Variants in PCNT observed in about 807,000 individuals in gnomAD.
The protein encoded by PCNT is kendrin.
Under a neutral mutation model 380.4 loss-of-function variants are expected in PCNT, and 319 were observed. That is an observed-to-expected ratio of 0.84 (90% CI 0.77 to 0.92). The LOEUF (loss-of-function observed/expected upper bound fraction) is 0.92. Among genes scored for constraint, PCNT ranks in the 40% least tolerant of loss-of-function variants. The pLI, the probability that PCNT is intolerant of heterozygous loss-of-function variation, is 0.00. For synonymous variants in PCNT, 1,845 were observed against 1,735.2 expected (o/e 1.06, Z -1.57); for missense variants, 4,400 against 4,255.3 (o/e 1.03, Z -0.95).
At chr21:46,436,480 C>T (rs910200670) in intron 39 of PCNT, among the ~76,000 whole-genome samples, 1 of 78,222 alleles carries the variant, frequency 1.3e-5, no homozygotes, top group Non-Finnish European at 3.3e-5. Context: ...GCCCCCCCCC[C>T]CCCCCCCCGC....
At chr21:46,374,356 C>T (rs555075390) in intron 15 of PCNT, among the ~76,000 whole-genome samples, 16 of 152,316 alleles carry the variant, frequency 1.1e-4, no homozygotes, top group East Asian at 3.9e-4. Context: ...TGCATTTCAT[C>T]ACAAGCCCAG....
At position 46,334,395 on chromosome 21, in the gene PCNT, A is replaced by G. The variant is rs565170910; in HGVS notation, c.268-2A>G. On this transcript the variant is annotated splice_acceptor_variant, in intron 2 of 46. Transcript: ENST00000359568. LOFTEE classifies it high-confidence loss of function. The stretch of plus-strand genomic sequence containing the variant: ...GCTTCTTTCTGGTCCTCCCCTTCTT[A>G]GCCGGAGGACTGTGATGGAGAGAAG... 6.2e-7 allele frequency: 1 copy of G among 1,614,188 alleles called. No individual in the cohort carries two copies. Among genetic ancestry groups the G allele is most frequent in the African/African-American group, 1.3e-5 (1 of 75,072 alleles).
chr21:46,409,250 G>A (rs1316736580), intron 27 of PCNT, among the ~76,000 whole-genome samples: 3 of 141,084 alleles, frequency 2.1e-5, no homozygotes, highest in East Asian at 2.2e-4. Flanking sequence ...GTTCAGTAGC[G>A]CATTTTTGGC....
intron 33 of PCNT, among the ~76,000 whole-genome samples, chr21:46,427,002 G>C (rs1164446011): frequency 6.6e-6 from 1 of 152,316 alleles, no homozygotes; most frequent in South Asian, 2.1e-4. Context: ...GGTTGTGTGC[G>C]AGCGGCAGCC....
At chr21:46,440,814 T>G (rs1483219278) in intron 42 of PCNT, 41 bp from the exon 43 acceptor site, 2 of 1,212,674 alleles carry the variant, frequency 1.6e-6, no homozygotes, top group Admixed American at 1.7e-5. Flanking sequence ...AAGACAGTCT[T>G]TGTTTCCTAT....
intron 13 of PCNT, among the ~76,000 whole-genome samples, chr21:46,357,483 C>G (rs2084519455): frequency 6.6e-6 from 1 of 152,176 alleles, no homozygotes; most frequent in African/African-American, 2.4e-5. Context: ...ATTCTGTTGC[C>G]CAGGCTGGAG....
At chr21:46,325,417 C>T (rs1197156558) in intron 1 of PCNT, among the ~76,000 whole-genome samples, 1 of 152,222 alleles carries the variant, frequency 6.6e-6, no homozygotes, top group African/African-American at 2.4e-5. Context: ...CAAGACGCCG[C>T]CTGTAGGGCG....
At position 46,381,810 on chromosome 21, in the gene PCNT, GCTTCAA is replaced by G. The variant is rs2085553440; in HGVS notation, c.3283_3288del (p.Leu1095_Gln1096del). The G allele has an allele frequency of 6.2e-7, 1 of 1,614,110 alleles. No individual in the cohort carries two copies. Among genetic ancestry groups the G allele is most frequent in the Admixed American group, 1.7e-5 (1 of 60,010 alleles). On this transcript the variant is annotated inframe_deletion, in exon 16 of 47. Coordinates refer to ENST00000359568, the MANE Select transcript of PCNT (RefSeq NM_006031.6). ...AGGAGAAAGAGTCTTTGTCTCTGCA[GCTTCAA>G]AAGAAGAATCACCAAGTCCAGCAGG... is the stretch of plus-strand genomic sequence containing the variant.
intron 3 of PCNT, among the ~76,000 whole-genome samples, chr21:46,338,076 A>T (rs1337429919): frequency 6.6e-6 from 1 of 152,134 alleles, no homozygotes; most frequent in East Asian, 1.9e-4. Flanking sequence ...ACAGGGTCTC[A>T]CTGTGTTGAC....
intron 28 of PCNT, among the ~76,000 whole-genome samples, chr21:46,412,595 A>G (rs1042326197): frequency 2.0e-5 from 3 of 152,198 alleles, no homozygotes; most frequent in Non-Finnish European, 4.4e-5. Flanking sequence ...TCCCACTCTC[A>G]GATGCCCCAG....
Position 46,416,303 on chromosome 21 carries a change from T to C in PCNT, c.6385T>C (p.Cys2129Arg), listed in dbSNP as rs778166847. The change falls in exon 30 of 47, where the codon TGT (cysteine) becomes CGT (arginine). Residue 2129 changes from cysteine to arginine, a missense_variant. Coordinates refer to ENST00000359568, the MANE Select transcript of PCNT (RefSeq NM_006031.6). ...TGACATATCACCCCACATAGACACATGTGATGCCAATACAGCCACGGGGGG... is the reference window on the plus strand; with the variant it reads ...TGACATATCACCCCACATAGACACACGTGATGCCAATACAGCCACGGGGGG... ...EPDISPHIDT[C>R]DANTATGGVT... 1 of 1,613,842 alleles carries C rather than the reference T, an allele frequency of 6.2e-7. No individual in the cohort carries two copies. The highest frequency in any genetic ancestry group is 8.5e-7 in the Non-Finnish European group (1 of 1,179,872).
At position 46,371,884 on chromosome 21, in the gene PCNT, GCA is replaced by G. The variant is rs548785483; in HGVS notation, c.3165+4752_3165+4753del. ...GCATGTGTGCACACACACAGCACATGCACACACAGCACATACACAGCACATGT... is the reference window on the plus strand; with the variant it reads ...GCATGTGTGCACACACACAGCACATGCACACAGCACATACACAGCACATGT... On this transcript the variant is annotated intron_variant, in intron 15 of 46. Coordinates refer to ENST00000359568, the MANE Select transcript of PCNT (RefSeq NM_006031.6). Among the ~76,000 whole-genome samples, 146 of 143,732 alleles carry G rather than the reference GCA, an allele frequency of 1.0e-3. 1 individual carries two copies. The highest frequency in any genetic ancestry group is 3.3e-3 in the African/African-American group (131 of 39,350). 94.3% of individuals were successfully genotyped at this position (143,732 alleles called of 152,430 possible). A position where few individuals can be genotyped will look rare whatever the true frequency, so the allele number is the denominator to read the frequency against.
chr21:46,361,540 A>T lies in PCNT; in HGVS notation c.2155-1940A>T, dbSNP rs955384282. The stretch of plus-strand genomic sequence containing the variant: ...ACCTCCCCTTCGTCTTCTGTGCTGC[A>T]GTTTTCATAGACTAGACATCACATC... On this transcript the variant is annotated intron_variant, in intron 13 of 46. Coordinates refer to ENST00000359568, the MANE Select transcript of PCNT (RefSeq NM_006031.6). Among the ~76,000 whole-genome samples, 11 of 152,312 alleles carry T rather than the reference A, an allele frequency of 7.2e-5. No homozygotes were observed. The East Asian group carries it at 2.1e-3, about 29-fold the overall frequency.
rs1284843051 is a variant in PCNT at position 46,363,634 on chromosome 21, T to C, written c.2309T>C (p.Met770Thr). Residue 770 changes from methionine (M) to threonine (T), a missense_variant, in exon 14 of 47, where the codon ATG becomes ACG. By Grantham distance (81) the Met-to-Thr change is moderately conservative. Coordinates refer to ENST00000359568, the MANE Select transcript of PCNT (RefSeq NM_006031.6). ...GAAGCTGAGGAGAAGTTAACATTGA[T>C]GCTACTTGAACTGAGAGAAAAGGCT... ...QREAEEKLTL[M>T]LLELREKAES... is the part of the protein sequence containing the mutation. The C allele has an allele frequency of 2.5e-6, 4 of 1,614,248 alleles. No individual in the cohort carries two copies. Among genetic ancestry groups the C allele is most frequent in the Middle Eastern group, 3.3e-4 (2 of 6,062 alleles).
In PCNT at chr21:46,428,555, G is replaced by C; in HGVS notation, c.7655G>C (p.Arg2552Pro). ...ACGGCGCTGACAAGCGCAGAGGCGC[G>C]CGGGAGCCAGCAGGAGCACCAGCTG... ...LRTALTSAEARGSQQEHQLRR... is the reference protein window; with the variant it reads ...LRTALTSAEAPGSQQEHQLRR... Residue 2552 changes from arginine to proline, a missense_variant, in exon 35 of 47, where the codon CGC becomes CCC. Physicochemically the swap from Arg to Pro is moderately radical, Grantham distance 103 (BLOSUM62 -2). Transcript: ENST00000359568. 6.2e-7 allele frequency: 1 copy of C among 1,605,800 alleles called. No individual in the cohort carries two copies. Among genetic ancestry groups the C allele is most frequent in the Non-Finnish European group, 8.5e-7 (1 of 1,179,272 alleles).
intron 9 of PCNT, among the ~76,000 whole-genome samples, chr21:46,352,311 C>T (rs1036511046): frequency 5.9e-5 from 9 of 152,132 alleles, no homozygotes; most frequent in Non-Finnish European, 8.8e-5. Context: ...CCCAGCCCTG[C>T]GCCCTGCCGG....
At chr21:46,398,340 C>G in intron 24 of PCNT, 85 bp downstream of exon 24, 1 of 1,383,508 alleles carries the variant, frequency 7.2e-7, no homozygotes, top group East Asian at 2.5e-5. Flanking sequence ...GCCACCCACT[C>G]GCTTTTCTTG....
rs1402917787 is a variant in PCNT at position 46,398,316 on chromosome 21, G to A, written c.4584+61G>A. On this transcript the variant is annotated intron_variant, in intron 24 of 46. Coordinates refer to ENST00000359568, the MANE Select transcript of PCNT (RefSeq NM_006031.6). ...CTGGCGCCCAGGCTCCCCTGCGCTC[G>A]CTGGGACTGTCCTGCCACCCACTCG... 13 of 1,509,188 alleles carry A rather than the reference G, an allele frequency of 8.6e-6. No homozygotes were observed. The African/African-American group carries it at 9.6e-5, about 11-fold the overall frequency. 93.5% of individuals were successfully genotyped at this position (1,509,188 alleles called of 1,614,324 possible).
At position 46,415,924 on chromosome 21, in the gene PCNT, T is replaced by C. The variant is rs1602026603; in HGVS notation, c.6151-145T>C. 3.1e-5 allele frequency: 23 copies of C among 731,076 alleles called. 1 individual carries two copies. The South Asian group carries it at 3.8e-4, about 12-fold the overall frequency. 45.3% of individuals were successfully genotyped at this position (731,076 alleles called of 1,614,324 possible). A position where few individuals can be genotyped will look rare whatever the true frequency, so the allele number is the denominator to read the frequency against. On this transcript the variant is annotated intron_variant, in intron 29 of 46. Coordinates refer to ENST00000359568, the MANE Select transcript of PCNT (RefSeq NM_006031.6). Reference sequence around the variant, plus strand: ...AGCCTTGGTTCTGTTTCTCATAGAATTAAATAAACTTGAAATGTGCAGGGC... The same window carrying C: ...AGCCTTGGTTCTGTTTCTCATAGAACTAAATAAACTTGAAATGTGCAGGGC...
Sources: gnomAD v4.1 joint callset for allele counts (sites outside exome capture counted in the v4.1 genomes callset) on GRCh38, gnomAD v4.1.1 for gene constraint, MANE v1.5 for transcripts, NCBI Gene and HGNC (gene_info 2026-07-23, HGNC 2026-07-21) for gene names.